The following PARD3B variants were observed in gnomAD, a reference collection of about 807,000 sequenced individuals.
PARD3B encodes partitioning defective 3 homolog B.
In PARD3B, 103 loss-of-function variants were observed where a neutral mutation model predicts 130.2. The observed-to-expected ratio is 0.79, with a 90% CI of 0.67 to 0.93. The LOEUF is 0.93. Among genes scored for constraint, PARD3B ranks in the 40% least tolerant of loss-of-function variants. The pLI, the probability that PARD3B is intolerant of heterozygous loss-of-function variation, is 0.00. For missense variants in PARD3B, 1,609 were observed against 1,499.2 expected (o/e 1.07, Z -1.21); for synonymous variants, 583 against 553.2 (o/e 1.05, Z -0.76).
At chr2:205,369,226 A>G (rs777163052) in intron 18 of PARD3B, among the ~76,000 whole-genome samples, 5 of 152,208 alleles carry the variant, frequency 3.3e-5, no homozygotes, top group Non-Finnish European at 1.5e-5. Flanking sequence ...TTTATCATGG[A>G]CAAATTGTGA....
At chr2:205,061,954 G>A (rs1033041566) in intron 4 of PARD3B, among the ~76,000 whole-genome samples, 3 of 151,980 alleles carry the variant, frequency 2.0e-5, no homozygotes. Flanking sequence ...GGAAAGGACG[G>A]ATTATTAAGC....
chr2:205,281,341 G>A lies in PARD3B; in HGVS notation c.2186-19189G>A, dbSNP rs1263412963. Among the ~76,000 whole-genome samples the A allele has an allele frequency of 6.6e-6, 1 of 152,208 alleles. No individual in the cohort carries two copies. The highest frequency in any genetic ancestry group is 1.5e-5 in the Non-Finnish European group (1 of 68,036). On this transcript the variant is annotated intron_variant, in intron 16 of 22. Transcript: ENST00000406610. The surrounding 1 kb of genome is among the most constrained non-coding windows in gnomAD (Gnocchi z 4.2). ...GAATACCAGGTAATCATAGAGCAAGGTGGAGCCAGGGACCAACTCGAGTGA... is the reference window on the plus strand; with the variant it reads ...GAATACCAGGTAATCATAGAGCAAGATGGAGCCAGGGACCAACTCGAGTGA...
intron 16 of PARD3B, among the ~76,000 whole-genome samples, chr2:205,249,017 T>G (rs1027570108): frequency 1.4e-5 from 2 of 146,250 alleles, no homozygotes; most frequent in South Asian, 2.2e-4. Context: ...TTTTTTTTTT[T>G]TTTTTTTTTT....
At chr2:205,279,782 G>A (rs141643553) in intron 16 of PARD3B, among the ~76,000 whole-genome samples, 19 of 152,220 alleles carry the variant, frequency 1.2e-4, no homozygotes, top group Non-Finnish European at 2.4e-4. Flanking sequence ...CTTGGTAAAC[G>A]TTCTCCATTT....
At chr2:205,088,248 A>G (rs544356269) in intron 4 of PARD3B, among the ~76,000 whole-genome samples, 17 of 152,298 alleles carry the variant, frequency 1.1e-4, no homozygotes, top group South Asian at 4.1e-4. Context: ...TGACAGCTGT[A>G]CAGAGTAACT....
chr2:205,378,685 G>A (rs192742736), intron 18 of PARD3B, among the ~76,000 whole-genome samples: 1 of 148,532 alleles, frequency 6.7e-6, no homozygotes, highest in Non-Finnish European at 1.5e-5. Flanking sequence ...AGGCTGGAGT[G>A]CAATGGCACG....
rs1410840056 is a variant in PARD3B, at chr2:204,932,798, C to T, written c.223-32354C>T. On this transcript the variant is annotated intron_variant, in intron 2 of 22. Coordinates refer to ENST00000406610, the MANE Select transcript of PARD3B (RefSeq NM_001302769.2). ...CAGTCTTGACCCCAAAGAACTGTGGCTAAACCTGGATTCTGCATTTTTACA... is the reference window on the plus strand; with the variant it reads ...CAGTCTTGACCCCAAAGAACTGTGGTTAAACCTGGATTCTGCATTTTTACA... 2.0e-5 allele frequency among the ~76,000 whole-genome samples: 3 copies of T among 152,218 alleles called. No individual in the cohort carries two copies. In the East Asian group the frequency reaches 5.8e-4, roughly 29 times the overall value.
intron 2 of PARD3B, among the ~76,000 whole-genome samples, chr2:204,758,617 A>T (rs1284605304): frequency 6.6e-6 from 1 of 152,166 alleles, no homozygotes; most frequent in Non-Finnish European, 1.5e-5. Flanking sequence ...TCCAGGTATG[A>T]GTATATTTTA....
intron 20 of PARD3B, among the ~76,000 whole-genome samples, chr2:205,453,662 T>C (rs2048178264): frequency 6.6e-6 from 1 of 152,212 alleles, no homozygotes; most frequent in East Asian, 1.9e-4. Context: ...CCAGCCATGC[T>C]AAGGTTTTTC....
intron 22 of PARD3B, among the ~76,000 whole-genome samples, chr2:205,611,695 G>T (rs1358058299): frequency 6.6e-6 from 1 of 152,092 alleles, no homozygotes; most frequent in Non-Finnish European, 1.5e-5. Flanking sequence ...CAAAATATAG[G>T]TATTTTCATG....
At chr2:205,514,267 G>A (rs1476460801) in intron 21 of PARD3B, among the ~76,000 whole-genome samples, 3 of 152,100 alleles carry the variant, frequency 2.0e-5, no homozygotes, top group African/African-American at 7.2e-5. Flanking sequence ...AAAGGGCATA[G>A]CAGGTAGTCA....
At chr2:205,150,340 T>C (rs34053924) in intron 10 of PARD3B, among the ~76,000 whole-genome samples, 4,641 of 151,360 alleles carry the variant, frequency 0.031, 233 homozygotes, top group African/African-American at 0.11. Flanking sequence ...GTGCCACTGC[T>C]TGGGGGTTCG....
intron 4 of PARD3B, among the ~76,000 whole-genome samples, chr2:205,083,609 T>C (rs1232324109): frequency 6.6e-6 from 1 of 152,038 alleles, no homozygotes; most frequent in Non-Finnish European, 1.5e-5. Flanking sequence ...CTTCTTTTTT[T>C]TTTTAGTTTT....
In PARD3B at chr2:205,183,734, G is replaced by A. The variant is rs1260372503; in HGVS notation, c.1925-2030G>A. On this transcript the variant is annotated intron_variant, in intron 13 of 22. Transcript: ENST00000406610. This position sits in a 1 kb window ranked among gnomAD's most constrained non-coding sequence, Gnocchi z 5.2. ...CTGCAGAGAAACAGAACCAAGTTGT[G>A]TGTGTGTGTGTGTGTGTGTGTGTGT... is the stretch of plus-strand genomic sequence containing the variant. Among the ~76,000 whole-genome samples the A allele has an allele frequency of 4.8e-5, 5 of 103,786 alleles. No homozygotes were observed. Among genetic ancestry groups the A allele is most frequent in the Admixed American group, 4.2e-4 (5 of 11,776 alleles). The allele number at this position is 103,786 out of a possible 152,430, so 68.1% of individuals were successfully genotyped here.
intron 2 of PARD3B, among the ~76,000 whole-genome samples, chr2:204,804,183 C>G (rs1186106389): frequency 6.6e-6 from 1 of 152,180 alleles, no homozygotes; most frequent in South Asian, 2.1e-4. Context: ...GAGCCAAAAT[C>G]ACACCATTAT....
chr2:205,209,363 G>A (rs1199794399), intron 15 of PARD3B, among the ~76,000 whole-genome samples: 1 of 151,928 alleles, frequency 6.6e-6, no homozygotes, highest in Non-Finnish European at 1.5e-5. Context: ...AGACAAAATT[G>A]ACAAATGGGA....
Position 205,407,613 on chromosome 2 carries a change from C to G in PARD3B, c.2741+6490C>G, listed in dbSNP as rs849269. On this transcript the variant is annotated intron_variant, in intron 19 of 22. Transcript: ENST00000406610. The surrounding 1 kb of genome is among the most constrained non-coding windows in gnomAD (Gnocchi z 4.1). ...GACCTGTAAAATACCAAACTAAATACCTGTATTCTTAATACCATCTCAAAA... is the reference window on the plus strand; with the variant it reads ...GACCTGTAAAATACCAAACTAAATAGCTGTATTCTTAATACCATCTCAAAA... 0.91 allele frequency among the ~76,000 whole-genome samples: 139,196 copies of G among 152,146 alleles called. 64,127 individuals are homozygous for G. The highest frequency in any genetic ancestry group is 0.99 in the East Asian group (5,135 of 5,174).
chr2:205,140,384 A>G (rs546988913), intron 10 of PARD3B, among the ~76,000 whole-genome samples: 62 of 151,128 alleles, frequency 4.1e-4, no homozygotes, highest in Non-Finnish European at 7.8e-4. Context: ...TTTAATTGAA[A>G]GTGTGGTCCC....
At position 204,685,537 on chromosome 2, in the gene PARD3B, C is replaced by T. The variant is rs564985737; in HGVS notation, c.121-644C>T. ...TTTAAAAAGCGATAGTTGAACATCT[C>T]TTTAATTACTACCCCAACTCAGTGA... is the stretch of plus-strand genomic sequence containing the variant. On this transcript the variant is annotated intron_variant, in intron 1 of 22. Transcript: ENST00000406610. Among the ~76,000 whole-genome samples, 264 of 152,298 alleles carry T rather than the reference C, an allele frequency of 1.7e-3. 2 individuals carry two copies. The highest frequency in any genetic ancestry group is 6.0e-3 in the African/African-American group (251 of 41,570).
Sources: allele counts gnomAD v4.1 joint callset (sites outside exome capture counted in the v4.1 genomes callset), GRCh38; gene constraint gnomAD v4.1.1; non-coding constraint Gnocchi (gnomAD v3.1); transcripts MANE v1.5; gene names NCBI Gene and HGNC (gene_info 2026-07-23, HGNC 2026-07-21).